Variants in CDH8 observed in about 807,000 individuals in gnomAD.
The protein encoded by CDH8 is cadherin-8.
Under a neutral mutation model 68.1 loss-of-function variants are expected in CDH8, and 17 were observed. That is an observed-to-expected ratio of 0.25 (90% confidence interval 0.17 to 0.37). The LOEUF is 0.37. Among genes scored for constraint, CDH8 ranks in the 10% least tolerant of loss-of-function variants. The pLI is 1.00. For synonymous variants in CDH8, 372 were observed against 365.1 expected (o/e 1.02, Z -0.21); for missense variants, 763 against 999.3 (o/e 0.76, Z 3.19).
chr16:61,700,146 T>C (rs990992042), intron 10 of CDH8, among the ~76,000 whole-genome samples: 2 of 152,188 alleles, frequency 1.3e-5, no homozygotes, highest in Non-Finnish European at 2.9e-5. Context: ...TAATTCTGTA[T>C]TTCTGCTATT....
At chr16:61,735,582 C>A (rs1237117955) in intron 8 of CDH8, among the ~76,000 whole-genome samples, 1 of 151,976 alleles carries the variant, frequency 6.6e-6, no homozygotes, top group East Asian at 1.9e-4. Context: ...CTCCTACAAC[C>A]AAGTAATCCA....
chr16:61,777,917 T>C (rs910479596), intron 8 of CDH8, among the ~76,000 whole-genome samples: 1 of 152,104 alleles, frequency 6.6e-6, no homozygotes, highest in African/African-American at 2.4e-5. Flanking sequence ...ACTTTCCATA[T>C]TTTAGTTTTC....
intron 4 of CDH8, among the ~76,000 whole-genome samples, chr16:61,853,571 C>T (rs1476370644): frequency 6.6e-6 from 1 of 152,068 alleles, no homozygotes; most frequent in African/African-American, 2.4e-5. Flanking sequence ...GTTGGTCCCA[C>T]ATATGTGGTG....
chr16:61,768,960 C>T (rs1596950618), intron 8 of CDH8, among the ~76,000 whole-genome samples: 1 of 151,694 alleles, frequency 6.6e-6, no homozygotes, highest in Admixed American at 6.6e-5. Context: ...AACCCCAAAA[C>T]CCTTTATGCA....
chr16:61,901,005 A>G, intron 3 of CDH8, 174 bp downstream of exon 3: 1 of 580,862 alleles, frequency 1.7e-6, no homozygotes. Flanking sequence ...TCCTGTTACT[A>G]AGGGACTAAA....
chr16:61,739,884 CAT>C (rs35095367), intron 8 of CDH8, among the ~76,000 whole-genome samples: 38,697 of 101,256 alleles, frequency 0.38, 7,213 homozygotes, highest in Admixed American at 0.43. Flanking sequence ...CAACATATTC[CAT>C]ATATATATAT....
chr16:61,801,116 A>G (rs1276008238), intron 7 of CDH8, among the ~76,000 whole-genome samples: 1 of 152,160 alleles, frequency 6.6e-6, no homozygotes, highest in Non-Finnish European at 1.5e-5. Context: ...GAAAAAAAAA[A>G]GCTGATTTTA....
intron 10 of CDH8, among the ~76,000 whole-genome samples, chr16:61,707,863 C>A (rs940344084): frequency 1.3e-5 from 2 of 152,020 alleles, no homozygotes; most frequent in African/African-American, 4.8e-5. Context: ...TTAATATCCA[C>A]AAAATCCCAA....
At chr16:61,718,302 A>G (rs1039613002) in intron 9 of CDH8, among the ~76,000 whole-genome samples, 1 of 151,354 alleles carries the variant, frequency 6.6e-6, no homozygotes, top group Admixed American at 6.6e-5. Flanking sequence ...AGTTCTTTCT[A>G]TGTATGGACA....
At chr16:61,695,588 G>T (rs1567426992) in intron 10 of CDH8, among the ~76,000 whole-genome samples, 1 of 152,080 alleles carries the variant, frequency 6.6e-6, no homozygotes, top group African/African-American at 2.4e-5. Context: ...GCCAGTAACT[G>T]CCCACCCCTT....
chr16:61,656,564 C>T (rs1350626820), intron 10 of CDH8, among the ~76,000 whole-genome samples: 1 of 152,108 alleles, frequency 6.6e-6, no homozygotes, highest in Non-Finnish European at 1.5e-5. Context: ...TAAGATACAG[C>T]AAAAGCCCTA....
chr16:61,978,383 T>C (rs1567553914), intron 2 of CDH8, among the ~76,000 whole-genome samples: 1 of 152,334 alleles, frequency 6.6e-6, no homozygotes, highest in East Asian at 1.9e-4. Flanking sequence ...GTTGCCACCA[T>C]TGCTGTTGCT....
Position 61,695,437 on chromosome 16 carries a change from AC to A in CDH8, c.1654+18403del, listed in dbSNP as rs574167476. On this transcript the variant is annotated intron_variant, in intron 10 of 11. Coordinates refer to ENST00000577390, the MANE Select transcript of CDH8 (RefSeq NM_001796.5). ...TCAGTTTTACTTGGGCCACCTTTCAACTAGTTCATGACCTTATTTGGGTCAA... is the reference window on the plus strand; with the variant it reads ...TCAGTTTTACTTGGGCCACCTTTCAATAGTTCATGACCTTATTTGGGTCAA... 9.2e-5 allele frequency among the ~76,000 whole-genome samples: 14 copies of A among 152,274 alleles called. No homozygotes were observed. The South Asian group carries it at 2.5e-3, about 27-fold the overall frequency.
At chr16:62,007,934 T>A (rs78283910) in intron 2 of CDH8, among the ~76,000 whole-genome samples, 5,605 of 152,074 alleles carry the variant, frequency 0.037, 220 homozygotes, top group African/African-American at 0.098. Context: ...GCTCCTTTTT[T>A]AAAATTTATT....
chr16:61,852,320 T>A (rs1283062673), intron 4 of CDH8, among the ~76,000 whole-genome samples: 1 of 152,116 alleles, frequency 6.6e-6, no homozygotes, highest in Non-Finnish European at 1.5e-5. Context: ...CCTAAAAGAC[T>A]GTATATACAC....
At chr16:61,843,653 T>TTTTGTTG (rs1962735735) in intron 4 of CDH8, among the ~76,000 whole-genome samples, 1 of 152,158 alleles carries the variant, frequency 6.6e-6, no homozygotes, top group Non-Finnish European at 1.5e-5. Context: ...GAGGCTTAGC[T>TTTTGTTG]TTTGTTTGTT....
chr16:61,784,819 A>T (rs1274372905), intron 8 of CDH8, among the ~76,000 whole-genome samples: 1 of 152,084 alleles, frequency 6.6e-6, no homozygotes, highest in Non-Finnish European at 1.5e-5. Context: ...AAACTGAACA[A>T]CCTGCTCCTG....
At chr16:61,892,415 T>C (rs1380609075) in intron 3 of CDH8, among the ~76,000 whole-genome samples, 1 of 152,068 alleles carries the variant, frequency 6.6e-6, no homozygotes, top group African/African-American at 2.4e-5. Context: ...TCCCAAAGAG[T>C]ATATTAGATG....
chr16:61,987,954 T>C (rs549347903), intron 2 of CDH8, among the ~76,000 whole-genome samples: 22 of 152,304 alleles, frequency 1.4e-4, no homozygotes, highest in African/African-American at 5.3e-4. Flanking sequence ...TCTAGCTTAG[T>C]AAATTATGTT....
Sources: allele counts gnomAD v4.1 joint callset (sites outside exome capture counted in the v4.1 genomes callset), GRCh38; gene constraint gnomAD v4.1.1; transcripts MANE v1.5; gene names NCBI Gene and HGNC (gene_info 2026-07-23, HGNC 2026-07-21).